The following SLC24A3 variants were observed in gnomAD, a reference collection of about 807,000 sequenced individuals.
SLC24A3 encodes solute carrier family 24 member 3, also known as sodium/potassium/calcium exchanger 3.
A neutral mutation model predicts 75.8 loss-of-function variants in SLC24A3; 28 were observed. That is an observed-to-expected ratio of 0.37 (90% CI 0.27 to 0.51). The LOEUF is 0.51. Among genes scored for constraint, SLC24A3 ranks in the 20% least tolerant of loss-of-function variants. SLC24A3 has a pLI of 0.94. For synonymous variants in SLC24A3, 372 were observed against 334.1 expected (o/e 1.11, Z -1.24); for missense variants, 663 against 847.8 (o/e 0.78, Z 2.71).
At chr20:19,394,489 A>C (rs1366376114) in intron 2 of SLC24A3, among the ~76,000 whole-genome samples, 1 of 152,224 alleles carries the variant, frequency 6.6e-6, no homozygotes, top group Non-Finnish European at 1.5e-5. Context: ...AGGATATATA[A>C]GGAAGTCCTA....
chr20:19,572,351 GAAGAAAAA>G, intron 3 of SLC24A3, among the ~76,000 whole-genome samples: 1 of 151,708 alleles, frequency 6.6e-6, no homozygotes, highest in East Asian at 1.9e-4. Flanking sequence ...ATCTCTAAAA[GAAGAAAAA>G]AAGAAAAAAA....
chr20:19,427,244 C>T (rs947953714), intron 2 of SLC24A3, among the ~76,000 whole-genome samples: 3 of 151,890 alleles, frequency 2.0e-5, no homozygotes, highest in African/African-American at 4.8e-5. Flanking sequence ...AGTGAGACAC[C>T]GGCATGAAAA....
chr20:19,711,071 A>G (rs1313860010), intron 15 of SLC24A3, among the ~76,000 whole-genome samples: 2 of 151,818 alleles, frequency 1.3e-5, no homozygotes, highest in Non-Finnish European at 2.9e-5. Flanking sequence ...GCATGCACAC[A>G]TGCAGACACA....
intron 2 of SLC24A3, among the ~76,000 whole-genome samples, chr20:19,282,791 C>T (rs1983700673): frequency 6.6e-6 from 1 of 152,128 alleles, no homozygotes; most frequent in Non-Finnish European, 1.5e-5. Context: ...TTCCCTGTTG[C>T]TGGGGTGTGT....
chr20:19,328,119 A>C (rs1332718794), intron 2 of SLC24A3, among the ~76,000 whole-genome samples: 1 of 152,098 alleles, frequency 6.6e-6, no homozygotes, highest in Non-Finnish European at 1.5e-5. Flanking sequence ...GTTCTGAGGA[A>C]GAGCATCCAG....
At chr20:19,490,629 G>C (rs556735808) in intron 2 of SLC24A3, among the ~76,000 whole-genome samples, 1 of 152,178 alleles carries the variant, frequency 6.6e-6, no homozygotes, top group Non-Finnish European at 1.5e-5. Flanking sequence ...GGATGTTAGG[G>C]TGAAGATTTT....
intron 6 of SLC24A3, among the ~76,000 whole-genome samples, chr20:19,619,490 G>T (rs1193910163): frequency 6.6e-6 from 1 of 152,192 alleles, no homozygotes; most frequent in Non-Finnish European, 1.5e-5. Context: ...GAGCAGAGAT[G>T]AGCTTTCCCG....
intron 15 of SLC24A3, among the ~76,000 whole-genome samples, chr20:19,700,434 C>T (rs1192253489): frequency 6.6e-6 from 1 of 152,126 alleles, no homozygotes; most frequent in Non-Finnish European, 1.5e-5. Context: ...TCTGTCCCAA[C>T]TGTTCCCATC....
intron 2 of SLC24A3, among the ~76,000 whole-genome samples, chr20:19,312,844 G>A (rs916598609): frequency 1.3e-5 from 2 of 152,088 alleles, no homozygotes; most frequent in Admixed American, 1.3e-4. Context: ...GGCCTGGTGT[G>A]TTTTATGTGG....
At chr20:19,668,825 G>C (rs1012580525) in intron 8 of SLC24A3, among the ~76,000 whole-genome samples, 56 of 152,180 alleles carry the variant, frequency 3.7e-4, no homozygotes, top group African/African-American at 1.3e-3. Context: ...GGATGTAGGT[G>C]GTGCTGTGGC....
chr20:19,644,472 G>C (rs1362856138), intron 6 of SLC24A3, among the ~76,000 whole-genome samples: 7 of 152,094 alleles, frequency 4.6e-5, no homozygotes, highest in Non-Finnish European at 8.8e-5. Flanking sequence ...CGTGTCTTTG[G>C]GGATAAACAG....
chr20:19,511,255 C>T (rs998377504), intron 2 of SLC24A3, among the ~76,000 whole-genome samples: 1 of 152,112 alleles, frequency 6.6e-6, no homozygotes, highest in African/African-American at 2.4e-5. Flanking sequence ...GGGCCCCAGC[C>T]TAAGGCATGG....
chr20:19,438,075 TCCCCTGTGTTTTTGAACCCAGGG>T (rs893434152), intron 2 of SLC24A3, among the ~76,000 whole-genome samples: 1 of 152,120 alleles, frequency 6.6e-6, no homozygotes, highest in Non-Finnish European at 1.5e-5. Flanking sequence ...TTCCTCAAGG[TCCCCTGTGTTTTTGAACCCAGGG>T]CCCCTGTGTT....
intron 1 of SLC24A3, among the ~76,000 whole-genome samples, chr20:19,230,621 T>C (rs1032353810): frequency 1.9e-5 from 2 of 104,928 alleles, no homozygotes; most frequent in African/African-American, 3.0e-5. Flanking sequence ...GAAAGACATA[T>C]TGATGGGGGG....
chr20:19,435,006 C>T (rs529612902), intron 2 of SLC24A3, among the ~76,000 whole-genome samples: 2 of 152,292 alleles, frequency 1.3e-5, no homozygotes, highest in South Asian at 2.1e-4. Context: ...TTAGTCTTCC[C>T]CGTAGCTTGA....
rs147039673 is a variant in SLC24A3 at position 19,607,609 on chromosome 20, G to A, written c.612+22065G>A. Among the ~76,000 whole-genome samples the A allele has an allele frequency of 1.3e-3, 195 of 152,258 alleles. 1 individual carries two copies. Among genetic ancestry groups the A allele is most frequent in the East Asian group, 3.7e-3 (19 of 5,176 alleles). ...CTCAGCCTTTAAGCCTCAGCTTCATGGCCGACTGTCCACATCCAGACTGCT... is the reference window on the plus strand; with the variant it reads ...CTCAGCCTTTAAGCCTCAGCTTCATAGCCGACTGTCCACATCCAGACTGCT... On this transcript the variant is annotated intron_variant, in intron 6 of 16. Transcript: ENST00000328041.
At chr20:19,582,910 G>T (rs1229486476) in intron 4 of SLC24A3, among the ~76,000 whole-genome samples, 3 of 152,188 alleles carry the variant, frequency 2.0e-5, no homozygotes, top group Non-Finnish European at 4.4e-5. Flanking sequence ...CGGATGGGGA[G>T]GGTGGGAGGC....
chr20:19,713,631 T>C (rs1177005293), intron 15 of SLC24A3, among the ~76,000 whole-genome samples: 4 of 149,822 alleles, frequency 2.7e-5, no homozygotes, highest in Admixed American at 2.6e-4. Flanking sequence ...CCTTGCGGTG[T>C]CTGTAATCTA....
intron 6 of SLC24A3, among the ~76,000 whole-genome samples, chr20:19,620,031 C>A (rs2031783638): frequency 2.6e-5 from 4 of 152,290 alleles, no homozygotes; most frequent in African/African-American, 9.6e-5. Context: ...GGCCCACCAA[C>A]CCTCTTTTGC....
Sources: allele counts gnomAD v4.1 joint callset (sites outside exome capture counted in the v4.1 genomes callset), GRCh38; gene constraint gnomAD v4.1.1; transcripts MANE v1.5; gene names NCBI Gene and HGNC (gene_info 2026-07-23, HGNC 2026-07-21).